ACIN1: variants seen among roughly 807,000 people sequenced by gnomAD.
The protein encoded by ACIN1 is apoptotic chromatin condensation inducer in the nucleus.
Under a neutral mutation model 146.6 loss-of-function variants are expected in ACIN1, and 16 were observed. The ratio of observed to expected loss-of-function variants is 0.11; its 90% CI spans 0.07 to 0.17. The LOEUF (loss-of-function observed/expected upper bound fraction) is 0.17, where lower values mean the gene tolerates loss of function less well. Ranked by LOEUF, ACIN1 falls within the 10% of genes least tolerant of loss-of-function variation. The pLI is 1.00. For missense variants in ACIN1, 1,357 were observed against 1,609.3 expected (o/e 0.84, Z 2.68); for synonymous variants, 569 against 582.7 (o/e 0.98, Z 0.34).
At position 23,080,594 on chromosome 14, in the gene ACIN1, C is replaced by T. The variant is rs1416831041; in HGVS notation, c.741G>A (p.Lys247=). The part of the protein sequence containing the change: ...SREAPILKEF[K]EEGEEIPRVK... ...CTCTAGGTATCTCTTCCCCTTCTTC[C>T]TTAAACTCTTTCAGGATTGGTGCCT... is the stretch of plus-strand genomic sequence containing the variant. Residue 247 remains lysine, a synonymous_variant, in exon 6 of 19, where the codon AAG becomes AAA. Coordinates refer to ENST00000605057, the MANE Select transcript of ACIN1 (RefSeq NM_001386863.1). 6.2e-7 allele frequency: 1 copy of T among 1,613,974 alleles called. No individual in the cohort carries two copies. The highest frequency in any genetic ancestry group is 8.5e-7 in the Non-Finnish European group (1 of 1,180,014).
chr14:23,082,514 G>T (rs1016850915), intron 4 of ACIN1, among the ~76,000 whole-genome samples: 2 of 134,910 alleles, frequency 1.5e-5, no homozygotes, highest in Admixed American at 1.7e-4. Context: ...GTGCAATCTC[G>T]CCTCACTGCG....
intron 3 of ACIN1, 125 bp from the exon 4 acceptor site, chr14:23,090,226 GT>G: frequency 7.5e-7 from 1 of 1,333,600 alleles, no homozygotes; most frequent in South Asian, 1.6e-5. Flanking sequence ...AAAGAGCACC[GT>G]ATAAAAAGAA....
Position 23,067,210 on chromosome 14 carries a change from TAAAG to T in ACIN1, c.2266-1206_2266-1203del, listed in dbSNP as rs978223457. 5 of 731,578 alleles carry T rather than the reference TAAAG, an allele frequency of 6.8e-6. No individual in the cohort carries two copies. In the African/African-American group the frequency reaches 1.0e-4, roughly 15 times the overall value. The allele number at this position is 731,578 out of a possible 1,614,324, so 45.3% of individuals were successfully genotyped here. ...AATAAATAAAAGAAATCAGAAAAAA[TAAAG>T]ATATAGAAAAAAATAAAATAAAATA... On this transcript the variant is annotated intron_variant, in intron 9 of 18. Transcript: ENST00000605057. The surrounding 1 kb of genome is among the most constrained non-coding windows in gnomAD (Gnocchi z 4.6).
At chr14:23,086,569 T>C (rs984238754) in intron 4 of ACIN1, among the ~76,000 whole-genome samples, 40 of 152,206 alleles carry the variant, frequency 2.6e-4, no homozygotes, top group Non-Finnish European at 4.3e-4. Flanking sequence ...GTCTGCCACC[T>C]TGACTGCTAG....
chr14:23,070,926 C>CAA (rs200043212), intron 8 of ACIN1, among the ~76,000 whole-genome samples: 2 of 151,756 alleles, frequency 1.3e-5, no homozygotes, highest in African/African-American at 4.8e-5. Context: ...AAGGCTTATA[C>CAA]AAAAAAAATA....
chr14:23,061,831 G>A lies in ACIN1; in HGVS notation c.3100-209C>T, dbSNP rs865801841. On this transcript the variant is annotated intron_variant, in intron 16 of 18. Coordinates refer to ENST00000605057, the MANE Select transcript of ACIN1 (RefSeq NM_001386863.1). Reference sequence around the variant, plus strand: ...TACTGAAAATACAAAAAAATTAGCCGGGCGTGGTGGCGGGCGCCTGTAGTC... The same window carrying A: ...TACTGAAAATACAAAAAAATTAGCCAGGCGTGGTGGCGGGCGCCTGTAGTC... 9.9e-5 allele frequency among the ~76,000 whole-genome samples: 15 copies of A among 152,050 alleles called. No homozygotes were observed. In the South Asian group the frequency reaches 1.9e-3, roughly 19 times the overall value.
chr14:23,062,501 T>C lies in ACIN1; in HGVS notation c.2906A>G (p.Gln969Arg). The C allele has an allele frequency of 6.2e-7, 1 of 1,614,210 alleles. No homozygotes were observed. Among genetic ancestry groups the C allele is most frequent in the Non-Finnish European group, 8.5e-7 (1 of 1,180,022 alleles). ...SNLVRPFTLG[Q>R]LKELLGRTGT... ...TGTGCGCCCCAACAACTCCTTTAGCTGGCCTAAAGTGAAAGGACGGACCTG... is the reference window on the plus strand; with the variant it reads ...TGTGCGCCCCAACAACTCCTTTAGCCGGCCTAAAGTGAAAGGACGGACCTG... Residue 969 changes from glutamine to arginine, a missense_variant, in exon 15 of 19, where the codon CAG becomes CGG. This residue lies in a region of ACIN1 where 509 missense variants were observed against 719.6 expected (regional missense o/e 0.71). Coordinates refer to ENST00000605057, the MANE Select transcript of ACIN1 (RefSeq NM_001386863.1).
At chr14:23,075,706 T>C (rs886424963) in intron 8 of ACIN1, among the ~76,000 whole-genome samples, 29 of 148,706 alleles carry the variant, frequency 2.0e-4, no homozygotes, top group African/African-American at 6.9e-4. Context: ...AATGGTCTTT[T>C]CCATTTTTTT....
rs3841035 is a variant in ACIN1 at position 23,080,669 on chromosome 14, T to TTCCTCC, written c.660_665dup (p.Glu222_Glu223dup). On this transcript the variant is annotated inframe_insertion, in exon 6 of 19. Transcript: ENST00000605057. ...CACCTTCCTCTTCTTCATCATCTTC[T>TTCCTCC]TCCTCCTCCTCCTCCTCCTCTTCTT... The TTCCTCC allele has an allele frequency of 4.3e-6, 7 of 1,613,494 alleles. No individual in the cohort carries two copies. In the South Asian group the frequency reaches 5.5e-5, roughly 13 times the overall value.
At chr14:23,077,087 T>A in intron 8 of ACIN1, among the ~76,000 whole-genome samples, 1 of 152,106 alleles carries the variant, frequency 6.6e-6, no homozygotes, top group East Asian at 1.9e-4. Context: ...TCAGCAAGGG[T>A]ATACCCCCAG....
In ACIN1 at chr14:23,078,171, T is replaced by C; in HGVS notation, c.2103A>G (p.Ser701=). The C allele has an allele frequency of 1.2e-6, 2 of 1,614,218 alleles. No homozygotes were observed. The highest frequency in any genetic ancestry group is 8.5e-7 in the Non-Finnish European group (1 of 1,180,020). Residue 701 remains serine, a synonymous_variant, in exon 8 of 19, where the codon TCA becomes TCG. Transcript: ENST00000605057. The stretch of plus-strand genomic sequence containing the variant: ...CTTACACAGTGTGATGAATTCTTTC[T>C]GATTCTGGCAGATGAGAGGTCTGAG... ...SETQTSHLPE[S]ERIHHTVEEK...
At chr14:23,082,721 A>C (rs1594776668) in intron 4 of ACIN1, among the ~76,000 whole-genome samples, 1 of 151,554 alleles carries the variant, frequency 6.6e-6, no homozygotes, top group Non-Finnish European at 1.5e-5. Flanking sequence ...CTGGGATTAC[A>C]GGCATGAGCT....
At position 23,068,056 on chromosome 14, in the gene ACIN1, C is replaced by T; in HGVS notation, c.2265+1420G>A. The T allele has an allele frequency of 1.0e-6, 1 of 985,896 alleles. No homozygotes were observed. The highest frequency in any genetic ancestry group is 1.2e-6 in the Non-Finnish European group (1 of 829,946). The allele number at this position is 985,896 out of a possible 1,614,324, so 61.1% of individuals were successfully genotyped here. On this transcript the variant is annotated intron_variant, in intron 9 of 18. Transcript: ENST00000605057. This position sits in a 1 kb window ranked among gnomAD's most constrained non-coding sequence, Gnocchi z 4.3. The stretch of plus-strand genomic sequence containing the variant: ...GGAGCAACCAACATGCTGCCCTTCA[C>T]CATGGACAACAGGGACCAAAGGAAA...
Position 23,067,362 on chromosome 14 carries a change from G to C in ACIN1, c.2266-1354C>G. On this transcript the variant is annotated intron_variant, in intron 9 of 18. Transcript: ENST00000605057. The surrounding 1 kb of genome is among the most constrained non-coding windows in gnomAD (Gnocchi z 4.6). ...CGCACCTCACTGTGTACTGTATCTA[G>C]TCAACCGCCGGTCCAATCAGAATGA... is the stretch of plus-strand genomic sequence containing the variant. 2.0e-6 allele frequency: 2 copies of C among 985,768 alleles called. No homozygotes were observed. Among genetic ancestry groups the C allele is most frequent in the Non-Finnish European group, 2.4e-6 (2 of 829,918 alleles). The allele number at this position is 985,768 out of a possible 1,614,324, so 61.1% of individuals were successfully genotyped here.
At chr14:23,088,798 T>C (rs370845380) in intron 4 of ACIN1, among the ~76,000 whole-genome samples, 16 of 152,210 alleles carry the variant, frequency 1.1e-4, no homozygotes, top group South Asian at 6.2e-4. Flanking sequence ...TTTTTGAATA[T>C]TTGCATTATA....
At chr14:23,095,332 T>G (rs371782441), upstream of ACIN1, 15 of 1,550,514 alleles carry the variant, frequency 9.7e-6, no homozygotes, top group African/African-American at 1.9e-4. Context: ...GCCCCTTTTC[T>G]CGCCCTGCTT....
At position 23,061,543 on chromosome 14, in the gene ACIN1, T is replaced by C. The variant is rs1446632940; in HGVS notation, c.3179A>G (p.His1060Arg). Residue 1060 changes from histidine (H) to arginine (R), a missense_variant, in exon 17 of 19, where the codon CAC (histidine) becomes CGC (arginine). Transcript: ENST00000605057. ...CTGGACCGGGGGTGGGGGTGGGGGG[T>C]GCAGGGGCCGTGGTATTCCCTGCTC... The part of the protein sequence containing the change: ...TEEQGIPRPL[H>R]PPPPPPVQPP... The C allele has an allele frequency of 1.6e-6, 2 of 1,272,258 alleles. No individual in the cohort carries two copies. The highest frequency in any genetic ancestry group is 2.4e-5 in the South Asian group (2 of 82,864). The allele number at this position is 1,272,258 out of a possible 1,614,324, so 78.8% of individuals were successfully genotyped here.
intron 4 of ACIN1, among the ~76,000 whole-genome samples, chr14:23,085,967 A>G (rs752131076): frequency 1.3e-5 from 2 of 152,256 alleles, no homozygotes; most frequent in Non-Finnish European, 2.9e-5. Flanking sequence ...AATGCAGGAT[A>G]TATTAAAGTG....
Position 23,058,956 on chromosome 14 carries a change from A to T in ACIN1, c.*192T>A. 1 of 588,340 alleles carries T rather than the reference A, an allele frequency of 1.7e-6. No homozygotes were observed. The highest frequency in any genetic ancestry group is 3.0e-6 in the Non-Finnish European group (1 of 333,692). 36.4% of individuals were successfully genotyped at this position (588,340 alleles called of 1,614,324 possible). A position where few individuals can be genotyped will look rare whatever the true frequency, so the allele number is the denominator to read the frequency against. On this transcript the variant is annotated 3_prime_UTR_variant, in exon 19 of 19. Coordinates refer to ENST00000605057, the MANE Select transcript of ACIN1 (RefSeq NM_001386863.1). ...GGAAATGAGAGGGAGGGTCGGGCTA[A>T]GTCCCAAGAGATAGGTTAAGGGGGT...
Sources: gnomAD v4.1 joint callset for allele counts (sites outside exome capture counted in the v4.1 genomes callset) on GRCh38, gnomAD v4.1.1 for gene constraint, gnomAD v4.1.1 regional missense constraint, Gnocchi (gnomAD v3.1) non-coding constraint, MANE v1.5 for transcripts, NCBI Gene and HGNC (gene_info 2026-07-23, HGNC 2026-07-21) for gene names.